The following LRRC8D variants were observed in gnomAD, a reference collection of about 807,000 sequenced individuals.
LRRC8D encodes volume-regulated anion channel subunit LRRC8D.
Under a neutral mutation model 55.8 loss-of-function variants are expected in LRRC8D, and 20 were observed. The ratio of observed to expected loss-of-function variants is 0.36; its 90% CI spans 0.25 to 0.52. The LOEUF (loss-of-function observed/expected upper bound fraction) is 0.52, where lower values mean the gene tolerates loss of function less well. Ranked by LOEUF, LRRC8D falls within the 20% of genes least tolerant of loss-of-function variation. LRRC8D has a pLI of 0.93. For missense variants in LRRC8D, 651 were observed against 1,030.8 expected (o/e 0.63, Z 5.05); for synonymous variants, 352 against 377.0 (o/e 0.93, Z 0.77).
intron 1 of LRRC8D, among the ~76,000 whole-genome samples, chr1:89,836,457 G>A (rs950510004): frequency 6.6e-5 from 10 of 152,156 alleles, no homozygotes; most frequent in African/African-American, 1.9e-4. Context: ...TATTTGTAGT[G>A]GGGCCAGATT....
chr1:89,844,260 A>G (rs1280645529), intron 2 of LRRC8D, among the ~76,000 whole-genome samples: 2 of 152,196 alleles, frequency 1.3e-5, no homozygotes, highest in Non-Finnish European at 2.9e-5. Context: ...GTGAAGTGTA[A>G]GGTGGACAGG....
At chr1:89,838,709 A>G (rs1267794341) in intron 1 of LRRC8D, among the ~76,000 whole-genome samples, 1 of 152,216 alleles carries the variant, frequency 6.6e-6, no homozygotes, top group Non-Finnish European at 1.5e-5. Context: ...GTCCTACTTT[A>G]CATGCATTTT....
chr1:89,898,296 G>A (rs1329956883), intron 2 of LRRC8D, among the ~76,000 whole-genome samples: 8 of 152,282 alleles, frequency 5.3e-5, no homozygotes, highest in African/African-American at 7.2e-5. Flanking sequence ...ATGAGGAATC[G>A]TGAAATATCT....
At chr1:89,901,073 A>G (rs759104142) in intron 2 of LRRC8D, among the ~76,000 whole-genome samples, 2 of 152,210 alleles carry the variant, frequency 1.3e-5, no homozygotes, top group East Asian at 3.8e-4. Context: ...CTAGTCCAGC[A>G]TATCCTATCA....
intron 2 of LRRC8D, among the ~76,000 whole-genome samples, chr1:89,925,895 T>C (rs1339610063): frequency 6.6e-6 from 1 of 152,256 alleles, no homozygotes; most frequent in African/African-American, 2.4e-5. Flanking sequence ...CTTAAGCCTA[T>C]ACTTAACATC....
chr1:89,910,928 C>T (rs1045873142), intron 2 of LRRC8D, among the ~76,000 whole-genome samples: 4 of 152,206 alleles, frequency 2.6e-5, no homozygotes, highest in Non-Finnish European at 4.4e-5. Context: ...CCTCCCCTCT[C>T]TACCTCATCT....
intron 2 of LRRC8D, among the ~76,000 whole-genome samples, chr1:89,921,053 G>A (rs1260857906): frequency 6.6e-6 from 1 of 152,186 alleles, no homozygotes; most frequent in Non-Finnish European, 1.5e-5. Flanking sequence ...TGATTGGGTA[G>A]TTAATTCATG....
intron 1 of LRRC8D, among the ~76,000 whole-genome samples, chr1:89,828,284 G>C (rs1660809343): frequency 6.6e-6 from 1 of 152,208 alleles, no homozygotes; most frequent in Non-Finnish European, 1.5e-5. Context: ...TGCATCCTGG[G>C]CTGGATGGAT....
chr1:89,866,701 G>A (rs1241917831), intron 2 of LRRC8D, among the ~76,000 whole-genome samples: 7 of 152,038 alleles, frequency 4.6e-5, no homozygotes, highest in Admixed American at 2.0e-4. Flanking sequence ...CTGGTCTCAC[G>A]AAGGCCCGAT....
chr1:89,886,861 CA>C (rs773612759), intron 2 of LRRC8D, among the ~76,000 whole-genome samples: 2 of 152,016 alleles, frequency 1.3e-5, no homozygotes, highest in Non-Finnish European at 2.9e-5. Context: ...TTATATTTTC[CA>C]AATTTTCCTT....
At chr1:89,900,935 G>C (rs1281317770) in intron 2 of LRRC8D, among the ~76,000 whole-genome samples, 1 of 152,192 alleles carries the variant, frequency 6.6e-6, no homozygotes, top group Non-Finnish European at 1.5e-5. Flanking sequence ...GGAGGCCAGA[G>C]GGGTCAGGGA....
intron 2 of LRRC8D, among the ~76,000 whole-genome samples, chr1:89,861,585 T>TA (rs1276912411): frequency 6.6e-6 from 1 of 152,220 alleles, no homozygotes; most frequent in Admixed American, 6.5e-5. Context: ...CCATGTCACA[T>TA]ATCTGGACAA....
At chr1:89,842,235 AT>A (rs1366157149) in intron 1 of LRRC8D, among the ~76,000 whole-genome samples, 1 of 143,284 alleles carries the variant, frequency 7.0e-6, no homozygotes, top group African/African-American at 2.5e-5. Context: ...AAAAAAAAGA[AT>A]TTGTGATCAT....
chr1:89,848,708 G>GT (rs1209680630), intron 2 of LRRC8D, among the ~76,000 whole-genome samples: 23 of 150,754 alleles, frequency 1.5e-4, no homozygotes, highest in Middle Eastern at 3.4e-3. Flanking sequence ...GTTTTTTGGG[G>GT]TTTTTTTTTG....
At chr1:89,865,429 A>C (rs1304930275) in intron 2 of LRRC8D, among the ~76,000 whole-genome samples, 2 of 150,960 alleles carry the variant, frequency 1.3e-5, no homozygotes, top group Non-Finnish European at 3.0e-5. Context: ...TAATATATTA[A>C]AACCTTTGAA....
At chr1:89,843,596 T>A in intron 1 of LRRC8D, 42 bp from the exon 2 acceptor site, 2 of 693,092 alleles carry the variant, frequency 2.9e-6, no homozygotes, top group Non-Finnish European at 5.3e-6. Flanking sequence ...TGCCGACACT[T>A]GGATCTCTCT....
At chr1:89,889,972 G>C (rs1368803548) in intron 2 of LRRC8D, among the ~76,000 whole-genome samples, 2 of 151,998 alleles carry the variant, frequency 1.3e-5, no homozygotes, top group African/African-American at 4.8e-5. Context: ...TGGATCACGA[G>C]ATCAGGAGAT....
intron 2 of LRRC8D, among the ~76,000 whole-genome samples, chr1:89,898,456 G>C (rs189711719): frequency 1.3e-5 from 2 of 152,288 alleles, no homozygotes; most frequent in Non-Finnish European, 2.9e-5. Flanking sequence ...TGTGGATCAG[G>C]ACATTGAAGC....
chr1:89,907,313 C>G (rs754298208), intron 2 of LRRC8D, among the ~76,000 whole-genome samples: 43 of 151,236 alleles, frequency 2.8e-4, no homozygotes, highest in Admixed American at 5.3e-4. Flanking sequence ...TGCCTAGCCT[C>G]CTGAGTAGCT....
Sources: allele counts gnomAD v4.1 joint callset (sites outside exome capture counted in the v4.1 genomes callset), GRCh38; gene constraint gnomAD v4.1.1; transcripts MANE v1.5; gene names NCBI Gene and HGNC (gene_info 2026-07-23, HGNC 2026-07-21).